The following ZDHHC21 variants were observed in gnomAD, a reference collection of about 807,000 sequenced individuals.
The protein encoded by ZDHHC21 is palmitoyltransferase ZDHHC21.
A neutral mutation model predicts 34.6 loss-of-function variants in ZDHHC21; 15 were observed. The observed-to-expected ratio is 0.43, with a 90% CI of 0.29 to 0.67. The LOEUF is 0.67. Ranked by LOEUF, ZDHHC21 falls within the 30% of genes least tolerant of loss-of-function variation. The pLI is 0.14. For missense variants in ZDHHC21, 344 were observed against 327.7 expected (o/e 1.05, Z -0.38); for synonymous variants, 142 against 101.8 (o/e 1.40, Z -2.38).
rs935873414 is a variant in ZDHHC21, at chr9:14,619,630, T to C, written c.665+9A>G. 39 of 1,414,110 alleles carry C rather than the reference T, an allele frequency of 2.8e-5. No homozygotes were observed. Among genetic ancestry groups the C allele is most frequent in the Non-Finnish European group, 3.8e-5 (39 of 1,029,036 alleles). The allele number at this position is 1,414,110 out of a possible 1,614,324, so 87.6% of individuals were successfully genotyped here. A position where few individuals can be genotyped will look rare whatever the true frequency, so the allele number is the denominator to read the frequency against. ...TAAATAATACTATACACTTCAGTTT[T>C]ATACTTACATATCTTCACAACAGTT... is the stretch of plus-strand genomic sequence containing the variant. On this transcript the variant is annotated intron_variant, in intron 9 of 9. Transcript: ENST00000380916.
intron 7 of ZDHHC21, among the ~76,000 whole-genome samples, chr9:14,654,734 G>C (rs561027592): frequency 5.9e-5 from 9 of 152,160 alleles, no homozygotes; most frequent in African/African-American, 1.9e-4. Context: ...TCATTAGAAG[G>C]ATTTAAGGGT....
intron 7 of ZDHHC21, among the ~76,000 whole-genome samples, chr9:14,642,646 C>A (rs1179698479): frequency 6.6e-6 from 1 of 152,122 alleles, no homozygotes; most frequent in East Asian, 1.9e-4. Context: ...CATGGATGTT[C>A]CCGGAGGAAA....
chr9:14,647,042 A>C (rs1005205837), intron 7 of ZDHHC21, among the ~76,000 whole-genome samples: 12 of 152,150 alleles, frequency 7.9e-5, no homozygotes, highest in African/African-American at 2.9e-4. Context: ...AGAGACAGAG[A>C]AAAGTATCTA....
intron 3 of ZDHHC21, among the ~76,000 whole-genome samples, chr9:14,679,137 T>G (rs1306080938): frequency 6.6e-6 from 1 of 152,136 alleles, no homozygotes; most frequent in Non-Finnish European, 1.5e-5. Context: ...TCATGGTACG[T>G]AAATTTACCT....
chr9:14,636,332 T>C (rs906746501), intron 8 of ZDHHC21, among the ~76,000 whole-genome samples: 2 of 152,138 alleles, frequency 1.3e-5, no homozygotes, highest in African/African-American at 2.4e-5. Context: ...AGCAGACCAT[T>C]ATATGAGATC....
intron 8 of ZDHHC21, among the ~76,000 whole-genome samples, chr9:14,630,590 A>G (rs920077931): frequency 5.9e-5 from 9 of 152,218 alleles, no homozygotes; most frequent in African/African-American, 2.2e-4. Context: ...GAAGGTTTTC[A>G]ATGTACTTTC....
intron 7 of ZDHHC21, among the ~76,000 whole-genome samples, chr9:14,650,436 A>C (rs1831043082): frequency 6.6e-6 from 1 of 151,994 alleles, no homozygotes; most frequent in Admixed American, 6.6e-5. Flanking sequence ...CAAAAATCTA[A>C]AAAGCTAAAT....
intron 8 of ZDHHC21, among the ~76,000 whole-genome samples, chr9:14,631,833 T>C (rs1324620914): frequency 2.0e-5 from 3 of 152,178 alleles, no homozygotes; most frequent in Non-Finnish European, 4.4e-5. Flanking sequence ...TTGCCATTTA[T>C]ACGGGCGCAG....
chr9:14,639,632 C>T (rs769998524), intron 8 of ZDHHC21, among the ~76,000 whole-genome samples: 2 of 151,956 alleles, frequency 1.3e-5, no homozygotes, highest in South Asian at 2.1e-4. Context: ...ACGTAAGATA[C>T]TGTGTATCAA....
downstream of ZDHHC21, among the ~76,000 whole-genome samples, chr9:14,607,626 G>A (rs781560986): frequency 4.6e-5 from 7 of 151,598 alleles, no homozygotes; most frequent in Non-Finnish European, 1.0e-4. Flanking sequence ...TGGGCTGGGG[G>A]CGGGGGGGAA....
At chr9:14,643,475 A>G (rs1474229965) in intron 7 of ZDHHC21, among the ~76,000 whole-genome samples, 2 of 152,088 alleles carry the variant, frequency 1.3e-5, no homozygotes, top group East Asian at 1.9e-4. Flanking sequence ...AAACTACCCT[A>G]TTCACTCTCT....
chr9:14,594,985 C>G, the ZDHHC21 span, among the ~76,000 whole-genome samples: 5 of 152,106 alleles, frequency 3.3e-5, no homozygotes, highest in Non-Finnish European at 7.4e-5. Flanking sequence ...AATGCCACTA[C>G]ATATTAACTT....
chr9:14,622,173 A>G (rs567347088), intron 8 of ZDHHC21, among the ~76,000 whole-genome samples: 1 of 152,240 alleles, frequency 6.6e-6, no homozygotes, highest in Non-Finnish European at 1.5e-5. Flanking sequence ...GACTTTCCTC[A>G]GTCTACATGA....
chr9:14,655,189 A>G (rs1320361253), intron 7 of ZDHHC21, among the ~76,000 whole-genome samples: 1 of 152,096 alleles, frequency 6.6e-6, no homozygotes, highest in Non-Finnish European at 1.5e-5. Flanking sequence ...GATGGAAACC[A>G]TAAGACAATG....
chr9:14,691,156 A>G (rs756880328), intron 1 of ZDHHC21, among the ~76,000 whole-genome samples: 6 of 152,228 alleles, frequency 3.9e-5, no homozygotes, highest in Non-Finnish European at 8.8e-5. Context: ...AAACAGCTCC[A>G]TGTTGAGACA....
intron 2 of ZDHHC21, among the ~76,000 whole-genome samples, chr9:14,689,943 C>T (rs563450335): frequency 6.6e-6 from 1 of 151,856 alleles, no homozygotes; most frequent in Non-Finnish European, 1.5e-5. Flanking sequence ...TTAAAGACCA[C>T]CAAATATTGT....
chr9:14,683,443 A>T (rs1484847941), intron 2 of ZDHHC21: 1 of 152,194 alleles, frequency 6.6e-6, no homozygotes, highest in Non-Finnish European at 1.5e-5. Context: ...TAAACTAGAA[A>T]ATCTAGAAGA....
chr9:14,645,357 G>C (rs539366882), intron 7 of ZDHHC21, among the ~76,000 whole-genome samples: 121 of 152,048 alleles, frequency 8.0e-4, no homozygotes, highest in African/African-American at 2.7e-3. Context: ...GGAGGGGAAA[G>C]AATTATCTTT....
intron 8 of ZDHHC21, chr9:14,622,595 A>G: frequency 1.0e-6 from 1 of 985,280 alleles, no homozygotes; most frequent in Non-Finnish European, 1.2e-6. Context: ...CCATCCAACT[A>G]ACTCATCCTG....
Sources: allele counts gnomAD v4.1 joint callset (sites outside exome capture counted in the v4.1 genomes callset), GRCh38; gene constraint gnomAD v4.1.1; transcripts MANE v1.5; gene names NCBI Gene and HGNC (gene_info 2026-07-23, HGNC 2026-07-21).